The following ANGPT1 variants were observed in gnomAD, a reference collection of about 807,000 sequenced individuals.
ANGPT1 encodes angiopoietin-1.
Under a neutral mutation model 62.2 loss-of-function variants are expected in ANGPT1, and 17 were observed. That is an observed-to-expected ratio of 0.27 (90% CI 0.19 to 0.41). The LOEUF (loss-of-function observed/expected upper bound fraction) is 0.41, where lower values mean the gene tolerates loss of function less well. Among genes scored for constraint, ANGPT1 ranks in the 10% least tolerant of loss-of-function variants. The pLI is 1.00. For missense variants in ANGPT1, 478 were observed against 594.9 expected, an observed-to-expected ratio of 0.80 and a Z score of 2.04; for synonymous variants, 199 against 198.9, an observed-to-expected ratio of 1.00 and a Z score of 0.00.
chr8:107,423,280 T>C (rs899156973), intron 1 of ANGPT1, among the ~76,000 whole-genome samples: 4 of 152,200 alleles, frequency 2.6e-5, no homozygotes, highest in African/African-American at 7.2e-5. Flanking sequence ...AAAGCGTCAA[T>C]AATGAATACT....
intron 4 of ANGPT1, among the ~76,000 whole-genome samples, chr8:107,309,773 C>A (rs1814805369): frequency 6.6e-6 from 1 of 152,054 alleles, no homozygotes; most frequent in Non-Finnish European, 1.5e-5. Context: ...TATCTGTGGG[C>A]TGATATCTCA....
chr8:107,495,655 T>A (rs919110442), intron 1 of ANGPT1, among the ~76,000 whole-genome samples: 13 of 152,186 alleles, frequency 8.5e-5, no homozygotes, highest in African/African-American at 2.9e-4. Flanking sequence ...TAATATGTAA[T>A]GATTGAATTC....
At position 107,303,243 on chromosome 8, in the gene ANGPT1, T is replaced by C; in HGVS notation, c.933A>G (p.Lys311=). ...AAACAAACACTTCTGGTTTTACCTT[T>C]TTGGGTTCTGGCATATTATTAATAT... ...TIYINNMPEP[K]KVFCNMDVNG... Residue 311 remains lysine (K), a synonymous_variant, in exon 5 of 9, where the codon AAA becomes AAG. Coordinates refer to ENST00000517746, the MANE Select transcript of ANGPT1 (RefSeq NM_001146.5). 1 of 1,609,540 alleles carries C rather than the reference T, an allele frequency of 6.2e-7. No individual in the cohort carries two copies. The highest frequency in any genetic ancestry group is 2.2e-5 in the East Asian group (1 of 44,728).
chr8:107,422,421 G>T (rs909411028), intron 1 of ANGPT1, among the ~76,000 whole-genome samples: 5 of 152,098 alleles, frequency 3.3e-5, no homozygotes, highest in Admixed American at 2.0e-4. Flanking sequence ...TTGTCCCATA[G>T]TGTTCACAGA....
intron 5 of ANGPT1, among the ~76,000 whole-genome samples, chr8:107,298,984 T>C (rs534295359): frequency 1.3e-5 from 2 of 151,824 alleles, no homozygotes; most frequent in African/African-American, 2.4e-5. Context: ...GCACTTTTTA[T>C]AGGATTGAGA....
At chr8:107,391,723 G>C (rs1816839421) in intron 1 of ANGPT1, among the ~76,000 whole-genome samples, 1 of 152,102 alleles carries the variant, frequency 6.6e-6, no homozygotes, top group Non-Finnish European at 1.5e-5. Flanking sequence ...ATCATAGATG[G>C]GATAGCCTAG....
At chr8:107,332,594 T>C (rs547273135) in intron 3 of ANGPT1, among the ~76,000 whole-genome samples, 1 of 152,318 alleles carries the variant, frequency 6.6e-6, no homozygotes, top group Non-Finnish European at 1.5e-5. Context: ...CAGCAGGACC[T>C]CTCAGCATGT....
chr8:107,359,611 T>C (rs895907207), intron 1 of ANGPT1, among the ~76,000 whole-genome samples: 3 of 152,208 alleles, frequency 2.0e-5, no homozygotes, highest in Non-Finnish European at 4.4e-5. Flanking sequence ...TAGTCTTGAT[T>C]TTAAAGTGCA....
rs149291685 is a variant in ANGPT1, at chr8:107,275,227, CCA to C, written c.1205+9453_1205+9454del. ...AGGCCGTATCAGAGCAATATTGCCC[CCA>C]GAGGCCATGGCTGCTTACCTGTCCC... On this transcript the variant is annotated intron_variant, in intron 7 of 8. Transcript: ENST00000517746. Among the ~76,000 whole-genome samples the C allele has an allele frequency of 7.9e-3, 1,201 of 152,172 alleles. 14 individuals are homozygous for C. The highest frequency in any genetic ancestry group is 0.028 in the African/African-American group (1,158 of 41,532).
rs113409190 is a variant in ANGPT1 at position 107,497,332 on chromosome 8, G to A, written c.227C>T (p.Pro76Leu). The change falls in exon 1 of 9, where the codon CCG becomes CTG. Residue 76 changes from proline (P) to leucine (L), a missense_variant. Pro to Leu is a moderately conservative substitution (Grantham distance 98). This residue lies in a region of ANGPT1 where 343 missense variants were observed against 355.4 expected (regional missense o/e 0.97). Transcript: ENST00000517746. The stretch of plus-strand genomic sequence containing the variant: ...TTGAAGTTTCTGGGAAGAGAAATCC[G>A]GTTCCACGTGTGGAGCATCTCTCTG... ...ALQRDAPHVE[P>L]DFSSQKLQHL... 2 of 1,614,010 alleles carry A rather than the reference G, an allele frequency of 1.2e-6. No homozygotes were observed. The highest frequency in any genetic ancestry group is 1.7e-5 in the Admixed American group (1 of 59,992).
chr8:107,435,615 A>G (rs1811313691), intron 1 of ANGPT1, among the ~76,000 whole-genome samples: 1 of 152,222 alleles, frequency 6.6e-6, no homozygotes, highest in Admixed American at 6.5e-5. Flanking sequence ...TTACTCCTAC[A>G]GAGCTGACAT....
In ANGPT1 at chr8:107,250,705, T is replaced by A. The variant is rs1458481920; in HGVS notation, c.*1150A>T. On this transcript the variant is annotated 3_prime_UTR_variant, in exon 9 of 9. Coordinates refer to ENST00000517746, the MANE Select transcript of ANGPT1 (RefSeq NM_001146.5). ...ATATTTATAATTATTTTATTTTTTATAGACTTCAAAGTGTTTCTTTTATAG... is the reference window on the plus strand; with the variant it reads ...ATATTTATAATTATTTTATTTTTTAAAGACTTCAAAGTGTTTCTTTTATAG... 3.3e-5 allele frequency: 5 copies of A among 152,124 alleles called. No individual in the cohort carries two copies. Among genetic ancestry groups the A allele is most frequent in the Non-Finnish European group, 7.4e-5 (5 of 67,992 alleles). 9.4% of individuals were successfully genotyped at this position (152,124 alleles called of 1,614,324 possible). A position where few individuals can be genotyped will look rare whatever the true frequency, so the allele number is the denominator to read the frequency against.
intron 1 of ANGPT1, among the ~76,000 whole-genome samples, chr8:107,381,215 A>C (rs1304415070): frequency 1.3e-5 from 2 of 152,146 alleles, no homozygotes; most frequent in African/African-American, 4.8e-5. Context: ...CATTTCACTT[A>C]ATTTGGTAGT....
rs1813247749 is a variant in ANGPT1 at position 107,251,554 on chromosome 8, T to C, written c.*301A>G. 2 of 261,018 alleles carry C rather than the reference T, an allele frequency of 7.7e-6. No individual in the cohort carries two copies. The highest frequency in any genetic ancestry group is 2.2e-4 in the South Asian group (2 of 9,186). The allele number at this position is 261,018 out of a possible 1,614,324, so 16.2% of individuals were successfully genotyped here. A position where few individuals can be genotyped will look rare whatever the true frequency, so the allele number is the denominator to read the frequency against. ...TCATCTGGCTACCATAGTTCCAAAA[T>C]AAGGTCCAGTAGTAGTTTGAAGCAC... is the stretch of plus-strand genomic sequence containing the variant. On this transcript the variant is annotated 3_prime_UTR_variant, in exon 9 of 9. Coordinates refer to ENST00000517746, the MANE Select transcript of ANGPT1 (RefSeq NM_001146.5).
intron 4 of ANGPT1, among the ~76,000 whole-genome samples, chr8:107,313,452 T>C (rs1335203463): frequency 1.4e-5 from 2 of 139,004 alleles, no homozygotes; most frequent in African/African-American, 5.4e-5. Context: ...TTTTTTTTTT[T>C]TTTTTGAGAC....
In ANGPT1 at chr8:107,449,400, G is replaced by GCA. The variant is rs10537811; in HGVS notation, c.297+47860_297+47861dup. On this transcript the variant is annotated intron_variant, in intron 1 of 8. Transcript: ENST00000517746. ...CACCCACACACTCACACACACACAT[G>GCA]CACACACACACACACACACACACAC... Among the ~76,000 whole-genome samples the GCA allele has an allele frequency of 9.9e-3, 1,458 of 147,908 alleles. 13 individuals carry two copies. Among genetic ancestry groups the GCA allele is most frequent in the East Asian group, 0.052 (260 of 5,006 alleles).
At chr8:107,337,782 C>T (rs1815601087) in intron 2 of ANGPT1, among the ~76,000 whole-genome samples, 1 of 152,038 alleles carries the variant, frequency 6.6e-6, no homozygotes, top group Non-Finnish European at 1.5e-5. Flanking sequence ...ATCAGATGCA[C>T]ACAGAAAGTC....
chr8:107,253,381 T>G (rs548487562), intron 8 of ANGPT1, among the ~76,000 whole-genome samples: 404 of 152,326 alleles, frequency 2.7e-3, no homozygotes, highest in African/African-American at 9.5e-3. Flanking sequence ...ATATGCTGTT[T>G]ATATTATAAA....
In ANGPT1 at chr8:107,251,864, T is replaced by C; in HGVS notation, c.1488A>G (p.Leu496=). The part of the protein sequence containing the change: ...LRSTTMMIRP[L]DF ...TTCTGACATTGCGCTTTCAAAAATC[T>C]AAAGGTCGAATCATCATAGTTGTGG... Residue 496 remains leucine (L), a synonymous_variant, in exon 9 of 9, where the codon TTA becomes TTG. Coordinates refer to ENST00000517746, the MANE Select transcript of ANGPT1 (RefSeq NM_001146.5). 6.2e-7 allele frequency: 1 copy of C among 1,613,860 alleles called. No homozygotes were observed. Among genetic ancestry groups the C allele is most frequent in the Non-Finnish European group, 8.5e-7 (1 of 1,179,794 alleles).
Sources: allele counts gnomAD v4.1 joint callset (sites outside exome capture counted in the v4.1 genomes callset), GRCh38; gene constraint gnomAD v4.1.1; regional missense constraint gnomAD v4.1.1; transcripts MANE v1.5; gene names NCBI Gene and HGNC (gene_info 2026-07-23, HGNC 2026-07-21).